MTHFD1: variants seen among roughly 807,000 people sequenced by gnomAD.
MTHFD1 encodes the protein C-1-tetrahydrofolate synthase, cytoplasmic.
In MTHFD1, 44 loss-of-function variants were observed where a neutral mutation model predicts 110.3. The ratio of observed to expected loss-of-function variants is 0.40; its 90% confidence interval spans 0.31 to 0.51. MTHFD1 has a LOEUF of 0.51. Ranked by LOEUF, MTHFD1 falls within the 20% of genes least tolerant of loss-of-function variation. The probability of loss-of-function intolerance (pLI) is 0.60; values close to 1 mark genes in which losing one functional copy is unlikely to be tolerated. For missense variants in MTHFD1, 909 were observed against 1,173.1 expected, an observed-to-expected ratio of 0.77 and a Z score of 3.29; for synonymous variants, 402 against 428.8, an observed-to-expected ratio of 0.94 and a Z score of 0.77.
chr14:64,411,021 A>C, intron 2 of MTHFD1, 69 bp from the exon 3 acceptor site: 1 of 1,110,120 alleles, frequency 9.0e-7, no homozygotes. Context: ...TAAAACTAAA[A>C]TTGTAGAAGC....
At position 64,453,877 on chromosome 14, in the gene MTHFD1, G is replaced by A. The variant is rs2078420143; in HGVS notation, c.2565+16G>A. The A allele has an allele frequency of 5.9e-6, 9 of 1,520,358 alleles. No individual in the cohort carries two copies. Among genetic ancestry groups the A allele is most frequent in the Non-Finnish European group, 8.2e-6 (9 of 1,095,530 alleles). The allele number at this position is 1,520,358 out of a possible 1,614,324, so 94.2% of individuals were successfully genotyped here. On this transcript the variant is annotated intron_variant, in intron 25 of 27. Transcript: ENST00000652337. ...CACGAAGCAGGTAGATGTTTGGTTA[G>A]TTTGTCCTTTCAACTCTTTGCAAAG... is the stretch of plus-strand genomic sequence containing the variant.
chr14:64,444,452 C>T (rs148134092), intron 21 of MTHFD1, among the ~76,000 whole-genome samples: 87 of 152,180 alleles, frequency 5.7e-4, no homozygotes, highest in African/African-American at 2.0e-3. Flanking sequence ...GCCATCGATC[C>T]GGTCCTTCTC....
intron 24 of MTHFD1, among the ~76,000 whole-genome samples, chr14:64,451,100 C>T (rs369855738): frequency 3.3e-5 from 5 of 152,186 alleles, no homozygotes; most frequent in South Asian, 2.1e-4. Flanking sequence ...ACCCGGGAGG[C>T]GGACGTTGCA....
At chr14:64,420,471 A>C (rs1052918851) in intron 8 of MTHFD1, among the ~76,000 whole-genome samples, 1 of 152,120 alleles carries the variant, frequency 6.6e-6, no homozygotes, top group Non-Finnish European at 1.5e-5. Context: ...TAGTATCACC[A>C]TTCTTCCTTC....
At chr14:64,402,788 G>GAT (rs1244407239) in intron 2 of MTHFD1, among the ~76,000 whole-genome samples, 1 of 19,418 alleles carries the variant, frequency 5.1e-5, no homozygotes, top group Non-Finnish European at 1.3e-4. Context: ...CAGCTTAGGT[G>GAT]ACAGTGAGAT....
intron 21 of MTHFD1, among the ~76,000 whole-genome samples, chr14:64,443,508 C>T (rs1467141569): frequency 6.6e-6 from 1 of 152,088 alleles, no homozygotes; most frequent in East Asian, 1.9e-4. Flanking sequence ...GTAAAAGGGC[C>T]ATAAGATGTT....
intron 1 of MTHFD1, among the ~76,000 whole-genome samples, chr14:64,399,602 T>C (rs1231433316): frequency 7.1e-6 from 1 of 140,022 alleles, no homozygotes; most frequent in Non-Finnish European, 1.5e-5. Flanking sequence ...GAGGTTGCAG[T>C]GAGCAGATAT....
intron 7 of MTHFD1, 61 bp from the exon 8 acceptor site, chr14:64,419,753 G>C: frequency 1.8e-6 from 2 of 1,091,830 alleles, no homozygotes. Flanking sequence ...TTCATTTCTG[G>C]GTTTTTTTTT....
intron 12 of MTHFD1, 79 bp downstream of exon 12, chr14:64,427,552 A>G: frequency 1.4e-6 from 2 of 1,402,694 alleles, no homozygotes; most frequent in South Asian, 1.2e-5. Context: ...GCAACCTATG[A>G]TACTTATGGG....
chr14:64,424,941 A>C lies in MTHFD1; in HGVS notation c.855+10A>C, dbSNP rs1295142418. 2 of 1,614,062 alleles carry C rather than the reference A, an allele frequency of 1.2e-6. No homozygotes were observed. The highest frequency in any genetic ancestry group is 1.7e-6 in the Non-Finnish European group (2 of 1,180,034). On this transcript the variant is annotated intron_variant, in intron 9 of 27. Transcript: ENST00000652337. Reference sequence around the variant, plus strand: ...TGCAATGCTCATGCAGGTAATTGTGAATAAAAGTTTCTATAAGAGTTCTGA... The same window carrying C: ...TGCAATGCTCATGCAGGTAATTGTGCATAAAAGTTTCTATAAGAGTTCTGA...
intron 1 of MTHFD1, among the ~76,000 whole-genome samples, chr14:64,399,831 A>G (rs995909859): frequency 6.6e-6 from 1 of 152,032 alleles, no homozygotes; most frequent in Non-Finnish European, 1.5e-5. Context: ...GCTGGAGTGC[A>G]ATGGCACCAT....
chr14:64,454,933 T>G, intron 26 of MTHFD1, 58 bp downstream of exon 26: 1 of 1,573,714 alleles, frequency 6.4e-7, no homozygotes, highest in East Asian at 2.2e-5. Context: ...CTGAAGTGTG[T>G]TGCCGAAACC....
chr14:64,397,347 C>T lies in MTHFD1; in HGVS notation c.42-3446C>T, dbSNP rs185518928. Among the ~76,000 whole-genome samples, 633 of 149,234 alleles carry T rather than the reference C, an allele frequency of 4.2e-3. 3 individuals are homozygous for T. The highest frequency in any genetic ancestry group is 0.014 in the Middle Eastern group (4 of 288). On this transcript the variant is annotated intron_variant, in intron 1 of 27. Transcript: ENST00000652337. ...TCAGTGGGTCGCCCAGGCTGGAGTG[C>T]AGTGGCGCGATCTCTGCTCACTGCA...
At chr14:64,418,450 C>CAAA (rs202143596) in intron 7 of MTHFD1, among the ~76,000 whole-genome samples, 62,873 of 130,884 alleles carry the variant, frequency 0.48, 15,568 homozygotes, top group South Asian at 0.65. Context: ...GACCCTGTCT[C>CAAA]AAAAAAAAAA....
At chr14:64,442,936 C>T (rs375050907) in intron 21 of MTHFD1, among the ~76,000 whole-genome samples, 1 of 152,124 alleles carries the variant, frequency 6.6e-6, no homozygotes, top group African/African-American at 2.4e-5. Flanking sequence ...CACCTCCAGC[C>T]TGAATTTTGT....
At chr14:64,433,124 G>A (rs1285148100) in intron 15 of MTHFD1, among the ~76,000 whole-genome samples, 1 of 151,886 alleles carries the variant, frequency 6.6e-6, no homozygotes, top group Non-Finnish European at 1.5e-5. Context: ...TTGGTTGGTT[G>A]TTTGTTTGTT....
In MTHFD1 at chr14:64,415,334, A is replaced by C; in HGVS notation, c.241-24A>C. On this transcript the variant is annotated intron_variant, in intron 4 of 27. Coordinates refer to ENST00000652337, the MANE Select transcript of MTHFD1 (RefSeq NM_005956.4). ...CCTTTTGATTTCTGTGTGATATACA[A>C]ATTATATATGGTATTACTTTTAGGT... is the stretch of plus-strand genomic sequence containing the variant. 3 of 1,595,656 alleles carry C rather than the reference A, an allele frequency of 1.9e-6. No homozygotes were observed. In the South Asian group the frequency reaches 3.3e-5, roughly 18 times the overall value.
intron 18 of MTHFD1, chr14:64,440,902 G>T: frequency 8.0e-6 from 2 of 251,248 alleles, no homozygotes; most frequent in East Asian, 2.0e-4. Context: ...ATTCTATCTG[G>T]CAACTTTGGC....
intron 8 of MTHFD1, among the ~76,000 whole-genome samples, chr14:64,421,324 T>G (rs2078068685): frequency 6.6e-6 from 1 of 152,232 alleles, no homozygotes; most frequent in South Asian, 2.1e-4. Flanking sequence ...GGCACTCATA[T>G]CTATTGAATT....
Sources: allele counts gnomAD v4.1 joint callset (sites outside exome capture counted in the v4.1 genomes callset), GRCh38; gene constraint gnomAD v4.1.1; transcripts MANE v1.5; gene names NCBI Gene and HGNC (gene_info 2026-07-23, HGNC 2026-07-21).